Variants in NELL2 observed in about 807,000 individuals in gnomAD.
NELL2 encodes the protein neural EGFL like 2.
In NELL2, 41 loss-of-function variants were observed where a neutral mutation model predicts 109.6. The observed-to-expected ratio is 0.37, with a 90% CI of 0.29 to 0.49. NELL2 has a LOEUF of 0.49. NELL2 is among the 20% of genes least tolerant of loss of function. The pLI is 0.98. For missense variants in NELL2, 900 were observed against 1,008.3 expected (o/e 0.89, Z 1.45); for synonymous variants, 355 against 344.7 (o/e 1.03, Z -0.33).
intron 1 of NELL2, among the ~76,000 whole-genome samples, chr12:44,892,750 A>T (rs1945548808): frequency 6.8e-6 from 1 of 146,736 alleles, no homozygotes; most frequent in Admixed American, 7.0e-5. Flanking sequence ...GTGAGCCGAG[A>T]TCGCACCACT....
chr12:44,509,056 A>C (rs1940857175), intron 19 of NELL2, 72 bp from the exon 20 acceptor site: 1 of 1,260,302 alleles, frequency 7.9e-7, no homozygotes, highest in East Asian at 2.3e-5. Flanking sequence ...ACATTTATTG[A>C]TTGGTACTTA....
chr12:44,808,213 C>T (rs575407380), intron 3 of NELL2, among the ~76,000 whole-genome samples: 1 of 152,168 alleles, frequency 6.6e-6, no homozygotes, highest in South Asian at 2.1e-4. Context: ...AAATGCCTCG[C>T]TTCTTTAGTG....
At chr12:44,580,237 T>A (rs1470463063) in intron 15 of NELL2, among the ~76,000 whole-genome samples, 1 of 152,116 alleles carries the variant, frequency 6.6e-6, no homozygotes, top group Non-Finnish European at 1.5e-5. Flanking sequence ...CTGTTATGGG[T>A]TCATCAGAAT....
intron 2 of NELL2, among the ~76,000 whole-genome samples, chr12:44,835,416 C>T (rs932011192): frequency 2.0e-5 from 3 of 152,168 alleles, no homozygotes; most frequent in Admixed American, 6.5e-5. Flanking sequence ...CAGCAGGCTG[C>T]GGCTCAGACT....
At chr12:44,540,025 C>T (rs1457888231) in intron 15 of NELL2, among the ~76,000 whole-genome samples, 1 of 152,122 alleles carries the variant, frequency 6.6e-6, no homozygotes, top group Non-Finnish European at 1.5e-5. Context: ...CCTCATTCTA[C>T]TTTAAATGTT....
At chr12:44,667,954 G>A (rs371147067) in intron 12 of NELL2, among the ~76,000 whole-genome samples, 3 of 152,274 alleles carry the variant, frequency 2.0e-5, no homozygotes, top group African/African-American at 7.2e-5. Flanking sequence ...GTTCCGGAAA[G>A]GGAGTTCACA....
chr12:44,904,456 C>T lies in NELL2; in HGVS notation c.38+9343G>A, dbSNP rs527307178. Among the ~76,000 whole-genome samples the T allele has an allele frequency of 1.8e-4, 28 of 152,230 alleles. No homozygotes were observed. The South Asian group carries it at 5.8e-3, about 32-fold the overall frequency. On this transcript the variant is annotated intron_variant, in intron 1 of 20. Transcript: ENST00000333837. The stretch of plus-strand genomic sequence containing the variant: ...TCCATATTCTGTCTCTCTTTTCTTG[C>T]CTGCTGAACAGATACAAAGATATCC...
intron 9 of NELL2, among the ~76,000 whole-genome samples, chr12:44,764,379 A>G (rs74846957): frequency 0.083 from 12,656 of 152,246 alleles, 627 homozygotes; most frequent in Non-Finnish European, 0.097. Flanking sequence ...GCTTTCAATA[A>G]TAGGCATACA....
At chr12:44,686,328 C>G (rs1420064048) in intron 12 of NELL2, among the ~76,000 whole-genome samples, 1 of 152,066 alleles carries the variant, frequency 6.6e-6, no homozygotes, top group African/African-American at 2.4e-5. Context: ...AAATTTTTTT[C>G]AAAGTTTTCA....
chr12:44,651,193 A>C (rs1947288809), intron 13 of NELL2, among the ~76,000 whole-genome samples: 1 of 152,224 alleles, frequency 6.6e-6, no homozygotes, highest in Non-Finnish European at 1.5e-5. Context: ...TGTCCATGGA[A>C]AAAACTGTCT....
intron 9 of NELL2, among the ~76,000 whole-genome samples, chr12:44,718,299 T>C (rs1938593630): frequency 6.6e-6 from 1 of 152,166 alleles, no homozygotes; most frequent in Non-Finnish European, 1.5e-5. Context: ...GCTACCACAA[T>C]GGCTACAGGA....
intron 11 of NELL2, among the ~76,000 whole-genome samples, chr12:44,709,768 T>G (rs1412001395): frequency 6.6e-6 from 1 of 152,198 alleles, no homozygotes; most frequent in Non-Finnish European, 1.5e-5. Context: ...GTTAGTCATA[T>G]GTATATTTAA....
intron 1 of NELL2, among the ~76,000 whole-genome samples, chr12:44,906,927 A>G (rs1396971771): frequency 6.6e-6 from 1 of 152,122 alleles, no homozygotes; most frequent in Non-Finnish European, 1.5e-5. Context: ...GCCAAATCTC[A>G]TCTTGAATTG....
chr12:44,775,946 T>C (rs901516808), intron 8 of NELL2, 76 bp downstream of exon 8: 6 of 1,525,140 alleles, frequency 3.9e-6, no homozygotes, highest in Admixed American at 2.1e-5. Context: ...ATTTTCATGA[T>C]TACATTGTTT....
At chr12:44,871,848 T>TA (rs930469069) in intron 2 of NELL2, among the ~76,000 whole-genome samples, 51 of 152,156 alleles carry the variant, frequency 3.4e-4, no homozygotes, top group African/African-American at 1.0e-3. Flanking sequence ...TAACAACTTG[T>TA]AAAAAAAACA....
At chr12:44,786,310 T>C (rs1049506250) in intron 3 of NELL2, among the ~76,000 whole-genome samples, 3 of 151,788 alleles carry the variant, frequency 2.0e-5, no homozygotes, top group Non-Finnish European at 2.9e-5. Context: ...AAAATGAAAA[T>C]GAAAACCACA....
At chr12:44,519,352 ACT>A (rs1941416899) in intron 19 of NELL2, among the ~76,000 whole-genome samples, 1 of 152,126 alleles carries the variant, frequency 6.6e-6, no homozygotes, top group African/African-American at 2.4e-5. Flanking sequence ...TAATCTACAA[ACT>A]CTATATGCTC....
At chr12:44,646,730 A>T (rs75882701) in intron 13 of NELL2, among the ~76,000 whole-genome samples, 11,751 of 152,258 alleles carry the variant, frequency 0.077, 546 homozygotes, top group Non-Finnish European at 0.1. Flanking sequence ...GAAAAGTTCA[A>T]CTTAAGGAAA....
At chr12:44,788,314 A>G (rs989237520) in intron 3 of NELL2, among the ~76,000 whole-genome samples, 1 of 152,154 alleles carries the variant, frequency 6.6e-6, no homozygotes, top group African/African-American at 2.4e-5. Context: ...CCTGCAGGAC[A>G]CCGGAGACAC....
Sources: allele counts gnomAD v4.1 joint callset (sites outside exome capture counted in the v4.1 genomes callset), GRCh38; gene constraint gnomAD v4.1.1; transcripts MANE v1.5; gene names NCBI Gene and HGNC (gene_info 2026-07-23, HGNC 2026-07-21).